The following MKKS variants were observed in gnomAD, a reference collection of about 807,000 sequenced individuals.
The protein encoded by MKKS is molecular chaperone MKKS.
A neutral mutation model predicts 33.2 loss-of-function variants in MKKS; 29 were observed. That is an observed-to-expected ratio of 0.87 (90% CI 0.65 to 1.19). MKKS has a LOEUF of 1.19. MKKS is among the 50% of genes most tolerant of loss of function. MKKS has a pLI of 0.00. For synonymous variants in MKKS, 260 were observed against 244.0 expected (o/e 1.07, Z -0.61); for missense variants, 661 against 662.3 (o/e 1.00, Z 0.02).
intron 4 of MKKS, among the ~76,000 whole-genome samples, chr20:10,408,209 C>T (rs1202743305): frequency 1.3e-5 from 2 of 152,164 alleles, no homozygotes; most frequent in African/African-American, 4.8e-5. Flanking sequence ...TGTGACCAAT[C>T]CCATAGATTA....
In MKKS at chr20:10,401,861, T is replaced by A. The variant is rs1387104899; in HGVS notation, c.*3386A>T. 6.6e-6 allele frequency: 1 copy of A among 152,226 alleles called. No homozygotes were observed. The highest frequency in any genetic ancestry group is 1.9e-4 in the East Asian group (1 of 5,198). 9.4% of individuals were successfully genotyped at this position (152,226 alleles called of 1,614,324 possible). On this transcript the variant is annotated 3_prime_UTR_variant, in exon 6 of 6. Coordinates refer to ENST00000347364, the MANE Select transcript of MKKS (RefSeq NM_170784.3). ...ACTTCACTTACATAAAGTGCTTCAGTCTAACAGTTGACTTACAATGTCTAA... is the reference window on the plus strand; with the variant it reads ...ACTTCACTTACATAAAGTGCTTCAGACTAACAGTTGACTTACAATGTCTAA...
At chr20:10,419,879 G>A (rs1007568722) in intron 2 of MKKS, among the ~76,000 whole-genome samples, 2 of 152,124 alleles carry the variant, frequency 1.3e-5, no homozygotes, top group African/African-American at 4.8e-5. Flanking sequence ...AATATTTTCA[G>A]ACTAGGGTTG....
At chr20:10,406,740 A>T (rs1229974441) in intron 5 of MKKS, among the ~76,000 whole-genome samples, 1 of 148,648 alleles carries the variant, frequency 6.7e-6, no homozygotes. Context: ...CCTCTAAAAA[A>T]CTTTCTCTAG....
At chr20:10,429,708 G>A (rs920082885) in intron 1 of MKKS, among the ~76,000 whole-genome samples, 2 of 152,164 alleles carry the variant, frequency 1.3e-5, no homozygotes, top group African/African-American at 4.8e-5. Flanking sequence ...TTTGACATAA[G>A]TGTTTCTTTA....
intron 3 of MKKS, among the ~76,000 whole-genome samples, chr20:10,409,977 C>CAAAAAAAAA (rs58776463): frequency 7.4e-5 from 4 of 54,230 alleles, no homozygotes; most frequent in East Asian, 1.0e-3. Flanking sequence ...GACTTTGTCT[C>CAAAAAAAAA]AAAAAAAAAA....
chr20:10,429,134 A>G lies in MKKS; in HGVS notation c.-649+4974T>C, dbSNP rs6104607. Among the ~76,000 whole-genome samples, 1,352 of 152,268 alleles carry G rather than the reference A, an allele frequency of 8.9e-3. 24 individuals are homozygous for G. Among genetic ancestry groups the G allele is most frequent in the African/African-American group, 0.031 (1,276 of 41,552 alleles). On this transcript the variant is annotated intron_variant, in intron 1 of 5. Coordinates refer to ENST00000347364, the MANE Select transcript of MKKS (RefSeq NM_170784.3). ...CCTTTCAAATAATGCATCTTTTCCT[A>G]GTCACTTCCCATTCCATCTTCAAAC... is the stretch of plus-strand genomic sequence containing the variant.
intron 2 of MKKS, among the ~76,000 whole-genome samples, chr20:10,420,190 C>T (rs888922851): frequency 3.3e-5 from 5 of 151,948 alleles, no homozygotes; most frequent in Non-Finnish European, 7.4e-5. Context: ...AAAAAGAACA[C>T]TAATAGAAGA....
At chr20:10,416,262 A>G (rs2064938001) in intron 2 of MKKS, among the ~76,000 whole-genome samples, 1 of 152,222 alleles carries the variant, frequency 6.6e-6, no homozygotes, top group Non-Finnish European at 1.5e-5. Context: ...AAGAAAATAC[A>G]AACAGGTGAA....
rs1210776829 is a variant in MKKS, at chr20:10,413,944, A to T, written c.-417-13T>A. The stretch of plus-strand genomic sequence containing the variant: ...GCTGCTTCTTTACCTAATAAATAAT[A>T]AAAAAAACATTTTAGAGAAATACTT... On this transcript the variant is annotated splice_polypyrimidine_tract_variant and intron_variant, in intron 2 of 5. Transcript: ENST00000347364. The T allele has an allele frequency of 2.5e-6, 1 of 403,502 alleles. No individual in the cohort carries two copies. The highest frequency in any genetic ancestry group is 4.4e-6 in the Non-Finnish European group (1 of 229,000). The allele number at this position is 403,502 out of a possible 1,614,324, so 25.0% of individuals were successfully genotyped here.
chr20:10,414,604 C>T (rs2064923617), intron 2 of MKKS, among the ~76,000 whole-genome samples: 1 of 152,118 alleles, frequency 6.6e-6, no homozygotes, highest in East Asian at 1.9e-4. Context: ...TATCTTTATT[C>T]TCCAACATGA....
In MKKS at chr20:10,412,937, T is replaced by C; in HGVS notation, c.578A>G (p.His193Arg). The change falls in exon 3 of 6, where the codon CAC becomes CGC. Residue 193 changes from histidine (H) to arginine (R), a missense_variant. Physicochemically the swap from His to Arg is conservative, Grantham distance 29 (BLOSUM62 0). Coordinates refer to ENST00000347364, the MANE Select transcript of MKKS (RefSeq NM_170784.3). ...LLTIPENAEG[H>R]IILGKSLIVP... ...AATTAAACTCTTTCCTAAAATGATGTGGCCTTCAGCATTTTCTGGAATTGT... is the reference window on the plus strand; with the variant it reads ...AATTAAACTCTTTCCTAAAATGATGCGGCCTTCAGCATTTTCTGGAATTGT... The C allele has an allele frequency of 6.2e-7, 1 of 1,613,762 alleles. No homozygotes were observed. Among genetic ancestry groups the C allele is most frequent in the East Asian group, 2.2e-5 (1 of 44,880 alleles).
chr20:10,417,937 G>A (rs528726509), intron 2 of MKKS, among the ~76,000 whole-genome samples: 29 of 152,264 alleles, frequency 1.9e-4, no homozygotes, highest in African/African-American at 6.7e-4. Flanking sequence ...GCAGATTTAG[G>A]AGGGGAATTG....
intron 1 of MKKS, among the ~76,000 whole-genome samples, chr20:10,427,274 T>C (rs2065022228): frequency 6.6e-6 from 1 of 152,238 alleles, no homozygotes; most frequent in African/African-American, 2.4e-5. Flanking sequence ...TTTTGCCTAT[T>C]GGGCTTGCTG....
chr20:10,408,897 C>A, intron 3 of MKKS, 94 bp from the exon 4 acceptor site: 1 of 909,566 alleles, frequency 1.1e-6, no homozygotes, highest in Non-Finnish European at 1.7e-6. Context: ...AACATAAAAG[C>A]CCCACAAGCA....
rs78423352 is a variant in MKKS, at chr20:10,419,683, G to A, written c.-418+845C>T. Among the ~76,000 whole-genome samples the A allele has an allele frequency of 4.0e-3, 608 of 152,262 alleles. 3 individuals carry two copies. The highest frequency in any genetic ancestry group is 0.014 in the African/African-American group (574 of 41,544). On this transcript the variant is annotated intron_variant, in intron 2 of 5. Coordinates refer to ENST00000347364, the MANE Select transcript of MKKS (RefSeq NM_170784.3). ...AAGTAACAGTTACCTGAACATAAGC[G>A]CGGAGATACCACCACAGTTGATCTA...
At chr20:10,427,657 G>T (rs2065025317) in intron 1 of MKKS, among the ~76,000 whole-genome samples, 1 of 152,194 alleles carries the variant, frequency 6.6e-6, no homozygotes, top group South Asian at 2.1e-4. Flanking sequence ...ACTGCACGTG[G>T]TCTTCAACTG....
rs553994305 is a variant in MKKS, at chr20:10,425,790, A to AAG, written c.-648-5034_-648-5033dup. 2.3e-3 allele frequency among the ~76,000 whole-genome samples: 350 copies of AAG among 149,274 alleles called. 1 individual carries two copies. Among genetic ancestry groups the AAG allele is most frequent in the African/African-American group, 8.1e-3 (324 of 39,932 alleles). ...CTTTTCAAGTTTGGAGCAAAGCAAC[A>AAG]AGAGAAATGAGATTTTTTCCCTTCC... On this transcript the variant is annotated intron_variant, in intron 1 of 5. Transcript: ENST00000347364.
intron 2 of MKKS, among the ~76,000 whole-genome samples, chr20:10,416,345 G>C (rs557327784): frequency 1.3e-5 from 2 of 152,088 alleles, no homozygotes; most frequent in Non-Finnish European, 2.9e-5. Context: ...AAATACACAA[G>C]GTAAGCTGGG....
intron 2 of MKKS, among the ~76,000 whole-genome samples, chr20:10,416,266 A>C (rs1349723862): frequency 6.6e-6 from 1 of 152,212 alleles, no homozygotes; most frequent in African/African-American, 2.4e-5. Context: ...AAATACAAAC[A>C]GGTGAAAGTT....
Sources: allele counts gnomAD v4.1 joint callset (sites outside exome capture counted in the v4.1 genomes callset), GRCh38; gene constraint gnomAD v4.1.1; transcripts MANE v1.5; gene names NCBI Gene and HGNC (gene_info 2026-07-23, HGNC 2026-07-21).